Variants in EPHA4 observed in about 807,000 individuals in gnomAD.
EPHA4 encodes the protein ephrin type-A receptor 4.
Under a neutral mutation model 108.3 loss-of-function variants are expected in EPHA4, and 19 were observed. That is an observed-to-expected ratio of 0.18 (90% CI 0.12 to 0.26). EPHA4 has a LOEUF of 0.26. Among genes scored for constraint, EPHA4 ranks in the 10% least tolerant of loss-of-function variants. EPHA4 has a pLI of 1.00. For synonymous variants in EPHA4, 449 were observed against 455.5 expected (o/e 0.99, Z 0.18); for missense variants, 917 against 1,254.0 (o/e 0.73, Z 4.06).
In EPHA4 at chr2:221,425,912, T is replaced by C. The variant is rs1321833762; in HGVS notation, c.*116A>G. 1 of 871,028 alleles carries C rather than the reference T, an allele frequency of 1.1e-6. No individual in the cohort carries two copies. The highest frequency in any genetic ancestry group is 1.6e-5 in the South Asian group (1 of 62,514). 54.0% of individuals were successfully genotyped at this position (871,028 alleles called of 1,614,324 possible). A position where few individuals can be genotyped will look rare whatever the true frequency, so the allele number is the denominator to read the frequency against. On this transcript the variant is annotated 3_prime_UTR_variant, in exon 17 of 18. Transcript: ENST00000281821. ...CAACGCTGCAGATATTGTTTTTTTTTTTCATTTCTTTAATTTCAGAGGGCG... is the reference window on the plus strand; with the variant it reads ...CAACGCTGCAGATATTGTTTTTTTTCTTCATTTCTTTAATTTCAGAGGGCG...
chr2:221,521,570 C>T (rs749671819), intron 3 of EPHA4, among the ~76,000 whole-genome samples: 64 of 152,146 alleles, frequency 4.2e-4, no homozygotes, highest in Non-Finnish European at 6.5e-4. Context: ...CTGCCAAAAG[C>T]GTAAGTGTCA....
intron 3 of EPHA4, among the ~76,000 whole-genome samples, chr2:221,540,592 T>C (rs573539831): frequency 9.2e-5 from 14 of 152,308 alleles, no homozygotes; most frequent in African/African-American, 2.9e-4. Context: ...TCATTGCCTG[T>C]GAAGTAGGAA....
Position 221,426,650 on chromosome 2 carries a change from A to G in EPHA4, c.2691-31T>C, listed in dbSNP as rs754291596. 3.1e-6 allele frequency: 5 copies of G among 1,591,426 alleles called. No homozygotes were observed. In the African/African-American group the frequency reaches 5.4e-5, roughly 17 times the overall value. ...AAGAGAACAAGAAAATATAAGCAGAACGGAGCTACCAGTGAGACAAGAAGA... is the reference window on the plus strand; with the variant it reads ...AAGAGAACAAGAAAATATAAGCAGAGCGGAGCTACCAGTGAGACAAGAAGA... On this transcript the variant is annotated intron_variant, in intron 15 of 17. Transcript: ENST00000281821.
At chr2:221,473,189 G>A (rs1247103202) in intron 5 of EPHA4, among the ~76,000 whole-genome samples, 2 of 152,176 alleles carry the variant, frequency 1.3e-5, no homozygotes, top group African/African-American at 4.8e-5. Context: ...AGCAAAGAAT[G>A]AGAAAGCATG....
At chr2:221,545,826 T>G (rs1031084404) in intron 3 of EPHA4, among the ~76,000 whole-genome samples, 2 of 151,482 alleles carry the variant, frequency 1.3e-5, no homozygotes, top group East Asian at 2.0e-4. Context: ...TGACCTGGAA[T>G]GCACTTGCTT....
intron 15 of EPHA4, 100 bp from the exon 16 acceptor site, chr2:221,426,719 G>T: frequency 2.8e-6 from 3 of 1,086,574 alleles, no homozygotes; most frequent in Middle Eastern, 2.7e-4. Context: ...GAACTGAAAA[G>T]CTAAGGGAAG....
chr2:221,543,277 A>G (rs1350575518), intron 3 of EPHA4, among the ~76,000 whole-genome samples: 1 of 152,228 alleles, frequency 6.6e-6, no homozygotes, highest in East Asian at 1.9e-4. Context: ...GGCAACAGAA[A>G]ACTCTGTAGC....
chr2:221,565,576 T>C (rs771413478), intron 2 of EPHA4, among the ~76,000 whole-genome samples: 2 of 152,318 alleles, frequency 1.3e-5, no homozygotes, highest in Admixed American at 1.3e-4. Context: ...AGAATCATAA[T>C]GTATCTTTTA....
intron 8 of EPHA4, among the ~76,000 whole-genome samples, chr2:221,450,228 G>T (rs568941302): frequency 1.3e-5 from 2 of 152,320 alleles, no homozygotes; most frequent in African/African-American, 2.4e-5. Context: ...GGCCAACATG[G>T]TGAAACCCCA....
chr2:221,433,441 CTT>C (rs1270605207), intron 14 of EPHA4, among the ~76,000 whole-genome samples: 3 of 152,170 alleles, frequency 2.0e-5, no homozygotes, highest in Admixed American at 2.0e-4. Context: ...CTAATGTAAA[CTT>C]TTCCAGAATT....
chr2:221,488,083 A>G (rs1462586028), intron 4 of EPHA4, among the ~76,000 whole-genome samples: 1 of 152,124 alleles, frequency 6.6e-6, no homozygotes, highest in Non-Finnish European at 1.5e-5. Flanking sequence ...TGCAGCAACT[A>G]CTCAACTCTG....
intron 3 of EPHA4, among the ~76,000 whole-genome samples, chr2:221,554,181 G>T (rs1024439952): frequency 1.3e-5 from 2 of 152,178 alleles, no homozygotes; most frequent in African/African-American, 4.8e-5. Flanking sequence ...GCATTCTGCT[G>T]CTCTTTAATC....
At chr2:221,431,878 A>G (rs1022238176) in intron 14 of EPHA4, among the ~76,000 whole-genome samples, 4 of 152,184 alleles carry the variant, frequency 2.6e-5, no homozygotes, top group Non-Finnish European at 5.9e-5. Flanking sequence ...TAAACAAAAA[A>G]CTTGCTAAGT....
intron 5 of EPHA4, among the ~76,000 whole-genome samples, chr2:221,464,069 A>C (rs2106123979): frequency 6.6e-6 from 1 of 152,262 alleles, no homozygotes; most frequent in South Asian, 2.1e-4. Context: ...TATGAAAGTC[A>C]AGACACCTGA....
At chr2:221,505,271 T>G (rs1038611403) in intron 3 of EPHA4, among the ~76,000 whole-genome samples, 3 of 152,178 alleles carry the variant, frequency 2.0e-5, no homozygotes, top group Non-Finnish European at 1.5e-5. Context: ...AAAGCAATAA[T>G]GTTTTGAATG....
At chr2:221,529,999 T>C (rs528468243) in intron 3 of EPHA4, among the ~76,000 whole-genome samples, 9 of 152,248 alleles carry the variant, frequency 5.9e-5, no homozygotes, top group Middle Eastern at 3.4e-3. Context: ...CGAAATTATT[T>C]CAAGTGTTAT....
intron 14 of EPHA4, among the ~76,000 whole-genome samples, chr2:221,430,369 A>C (rs1263074411): frequency 6.6e-6 from 1 of 152,140 alleles, no homozygotes; most frequent in Non-Finnish European, 1.5e-5. Flanking sequence ...TAAAGGGAAG[A>C]TGCATCAATG....
At chr2:221,463,709 C>A (rs531800817) in intron 5 of EPHA4, among the ~76,000 whole-genome samples, 12 of 152,334 alleles carry the variant, frequency 7.9e-5, no homozygotes, top group African/African-American at 2.6e-4. Flanking sequence ...CTTTTATTCA[C>A]TTCCTCAATG....
At chr2:221,534,345 G>A (rs1693602073) in intron 3 of EPHA4, among the ~76,000 whole-genome samples, 1 of 152,102 alleles carries the variant, frequency 6.6e-6, no homozygotes, top group African/African-American at 2.4e-5. Flanking sequence ...TTTGATCTGT[G>A]GATCTTCTTG....
Sources: gnomAD v4.1 joint callset for allele counts (sites outside exome capture counted in the v4.1 genomes callset) on GRCh38, gnomAD v4.1.1 for gene constraint, MANE v1.5 for transcripts, NCBI Gene and HGNC (gene_info 2026-07-23, HGNC 2026-07-21) for gene names.